The following MITF variants were observed in gnomAD, a reference collection of about 807,000 sequenced individuals.
MITF encodes melanocyte inducing transcription factor, also known as microphthalmia-associated transcription factor.
A neutral mutation model predicts 60.5 loss-of-function variants in MITF; 17 were observed. That is an observed-to-expected ratio of 0.28 (90% CI 0.19 to 0.42). MITF has a LOEUF of 0.42. Among genes scored for constraint, MITF ranks in the 10% least tolerant of loss-of-function variants. The probability of loss-of-function intolerance (pLI) is 1.00; values close to 1 mark genes in which losing one functional copy is unlikely to be tolerated. For missense variants in MITF, 622 were observed against 683.5 expected (o/e 0.91, Z 1.00); for synonymous variants, 260 against 248.5 (o/e 1.05, Z -0.43).
intron 1 of MITF, among the ~76,000 whole-genome samples, chr3:69,741,669 G>T (rs1185177203): frequency 6.6e-6 from 1 of 152,164 alleles, no homozygotes; most frequent in Non-Finnish European, 1.5e-5. Flanking sequence ...GGGAAAGGAA[G>T]GCTAAATTAA....
At chr3:69,809,823 C>T (rs891396928) in intron 1 of MITF, among the ~76,000 whole-genome samples, 11 of 152,010 alleles carry the variant, frequency 7.2e-5, no homozygotes, top group Non-Finnish European at 1.2e-4. Context: ...TTCTAAATTT[C>T]TGAAGATAAT....
chr3:69,937,818 T>G lies in MITF; in HGVS notation c.355-4T>G. 6.2e-7 allele frequency: 1 copy of G among 1,613,116 alleles called. No individual in the cohort carries two copies. Among genetic ancestry groups the G allele is most frequent in the Non-Finnish European group, 8.5e-7 (1 of 1,179,192 alleles). On this transcript the variant is annotated splice_region_variant and splice_polypyrimidine_tract_variant and intron_variant, in intron 2 of 9. Coordinates refer to ENST00000352241, the MANE Select transcript of MITF (RefSeq NM_001354604.2). ...TTTTCTTTTCCCTCCATGGCTATGT[T>G]CAGGTGCAGACCCACCTCGAAAACC... is the stretch of plus-strand genomic sequence containing the variant.
intron 1 of MITF, among the ~76,000 whole-genome samples, chr3:69,746,374 A>G (rs948917166): frequency 2.6e-5 from 4 of 152,196 alleles, no homozygotes; most frequent in Admixed American, 2.0e-4. Context: ...CTTGGGACAA[A>G]TCAAAGTTAC....
chr3:69,855,272 A>C (rs1163513021), intron 1 of MITF, among the ~76,000 whole-genome samples: 2 of 151,654 alleles, frequency 1.3e-5, no homozygotes, highest in African/African-American at 2.4e-5. Context: ...AAAAAAAAAA[A>C]AAAAAAACAC....
chr3:69,745,327 A>C (rs1333081765), intron 1 of MITF, among the ~76,000 whole-genome samples: 1 of 152,108 alleles, frequency 6.6e-6, no homozygotes, highest in Non-Finnish European at 1.5e-5. Context: ...GCAAAATTCA[A>C]AGATACATCA....
At chr3:69,904,988 A>G (rs2065067208) in intron 2 of MITF, among the ~76,000 whole-genome samples, 1 of 152,184 alleles carries the variant, frequency 6.6e-6, no homozygotes, top group Non-Finnish European at 1.5e-5. Flanking sequence ...AAGCATAATT[A>G]GCATATAATA....
chr3:69,910,840 A>G (rs1258836353), intron 2 of MITF, among the ~76,000 whole-genome samples: 2 of 151,952 alleles, frequency 1.3e-5, no homozygotes, highest in East Asian at 1.9e-4. Flanking sequence ...GGCAGAAGGG[A>G]CTTGCCTTGT....
intron 2 of MITF, among the ~76,000 whole-genome samples, chr3:69,895,818 G>A (rs936582722): frequency 2.1e-4 from 31 of 149,450 alleles, no homozygotes; most frequent in African/African-American, 7.7e-4. Flanking sequence ...TTGTGTGTGT[G>A]TGTGTGTGTG....
intron 1 of MITF, among the ~76,000 whole-genome samples, chr3:69,825,557 A>G (rs1358086888): frequency 1.3e-5 from 2 of 152,188 alleles, no homozygotes; most frequent in Admixed American, 6.5e-5. Flanking sequence ...ATAATCCTAA[A>G]TTGATTAAGA....
rs9862680 is a variant in MITF, at chr3:69,825,093, A to G, written c.105-54041A>G. The stretch of plus-strand genomic sequence containing the variant: ...AGTAATTTCTTCTATTAAAGTTTCT[A>G]TTTTCAGACAGTAGTTTGAAAAGAG... On this transcript the variant is annotated intron_variant, in intron 1 of 9. Transcript: ENST00000352241. Among the ~76,000 whole-genome samples, 4 of 151,890 alleles carry G rather than the reference A, an allele frequency of 2.6e-5. No homozygotes were observed. The East Asian group carries it at 5.8e-4, about 22-fold the overall frequency.
intron 1 of MITF, among the ~76,000 whole-genome samples, chr3:69,767,926 C>A (rs1311057619): frequency 6.6e-6 from 1 of 152,140 alleles, no homozygotes; most frequent in Non-Finnish European, 1.5e-5. Context: ...AGGGTAAAAA[C>A]CTTGTTAAAG....
At chr3:69,832,021 A>C (rs9824497) in intron 1 of MITF, among the ~76,000 whole-genome samples, 76,095 of 152,038 alleles carry the variant, frequency 0.5, 20,751 homozygotes, top group Non-Finnish European at 0.63. Context: ...CAATGCTCAG[A>C]ATTTTGGCTG....
rs2066701659 is a variant in MITF, at chr3:69,966,868, C to CACTG, written c.*1626_*1629dup. 1 of 232,538 alleles carries CACTG rather than the reference C, an allele frequency of 4.3e-6. No individual in the cohort carries two copies. Among genetic ancestry groups the CACTG allele is most frequent in the Admixed American group, 5.6e-5 (1 of 17,746 alleles). 14.4% of individuals were successfully genotyped at this position (232,538 alleles called of 1,614,324 possible). ...ATAGCAGTAGTCTTTTTTGGACTAG[C>CACTG]ACTGACTGAACTGTAATGTAGGGGA... On this transcript the variant is annotated 3_prime_UTR_variant, in exon 10 of 10. Coordinates refer to ENST00000352241, the MANE Select transcript of MITF (RefSeq NM_001354604.2).
At chr3:69,763,070 CAG>C (rs1368536598) in intron 1 of MITF, among the ~76,000 whole-genome samples, 1 of 152,144 alleles carries the variant, frequency 6.6e-6, no homozygotes, top group Admixed American at 6.5e-5. Context: ...GGGGCATAAA[CAG>C]TGTTTATGGC....
intron 1 of MITF, 130 bp from the exon 2 acceptor site, chr3:69,879,004 C>G: frequency 1.3e-6 from 1 of 744,208 alleles, no homozygotes; most frequent in Non-Finnish European, 2.4e-6. Flanking sequence ...ATGTGGAGTA[C>G]CATTCTGTGA....
chr3:69,791,287 C>A (rs566229368), intron 1 of MITF, among the ~76,000 whole-genome samples: 11 of 152,278 alleles, frequency 7.2e-5, no homozygotes, highest in African/African-American at 2.4e-4. Flanking sequence ...AACTGTGATT[C>A]AAGTCTGGGA....
intron 7 of MITF, among the ~76,000 whole-genome samples, chr3:69,952,227 T>C (rs1199763514): frequency 6.6e-6 from 1 of 152,004 alleles, no homozygotes; most frequent in Non-Finnish European, 1.5e-5. Flanking sequence ...CTGGAACTTA[T>C]TAACAAAAGG....
At chr3:69,760,363 G>C (rs1162780583) in intron 1 of MITF, among the ~76,000 whole-genome samples, 1 of 152,182 alleles carries the variant, frequency 6.6e-6, no homozygotes, top group African/African-American at 2.4e-5. Flanking sequence ...GCTCAGGAAA[G>C]AGTTCAAGAA....
At chr3:69,938,755 T>A in intron 3 of MITF, 3 of 1,314,774 alleles carry the variant, frequency 2.3e-6, no homozygotes, top group Non-Finnish European at 2.9e-6. Flanking sequence ...TATGAGATGA[T>A]GAGCTTCATC....
Sources: allele counts gnomAD v4.1 joint callset (sites outside exome capture counted in the v4.1 genomes callset), GRCh38; gene constraint gnomAD v4.1.1; transcripts MANE v1.5; gene names NCBI Gene and HGNC (gene_info 2026-07-23, HGNC 2026-07-21).